The following TTC6 variants were observed in gnomAD, a reference collection of about 807,000 sequenced individuals.
The protein encoded by TTC6 is tetratricopeptide repeat protein 6.
In TTC6, 172 loss-of-function variants were observed where a neutral mutation model predicts 210.4. That is an observed-to-expected ratio of 0.82 (90% CI 0.72 to 0.93). The LOEUF (loss-of-function observed/expected upper bound fraction) is 0.93. TTC6 is among the 40% of genes least tolerant of loss of function. The pLI, the probability that TTC6 is intolerant of heterozygous loss-of-function variation, is 0.00. For synonymous variants in TTC6, 804 were observed against 819.6 expected (o/e 0.98, Z 0.32); for missense variants, 2,414 against 2,318.1 (o/e 1.04, Z -0.85).
exon 1 of TTC6, chr14:37,622,140 C>T (rs1333878713): frequency 1.3e-6 from 2 of 1,535,470 alleles, no homozygotes; most frequent in Non-Finnish European, 1.7e-6. Context: ...TGAGAAAGTT[C>T]GGCAGGAAAC....
intron 3 of TTC6, among the ~76,000 whole-genome samples, chr14:37,684,362 A>G (rs946196954): frequency 2.0e-5 from 3 of 152,118 alleles, no homozygotes; most frequent in African/African-American, 7.2e-5. Flanking sequence ...TCCACAAGTA[A>G]TAGTTGACCA....
At chr14:37,729,250 A>G (rs1383294878) in intron 7 of TTC6, among the ~76,000 whole-genome samples, 1 of 152,198 alleles carries the variant, frequency 6.6e-6, no homozygotes, top group East Asian at 1.9e-4. Context: ...TTTGAAAAAT[A>G]TGTCATGAGC....
At chr14:37,691,920 G>GA (rs1213493486) in intron 3 of TTC6, among the ~76,000 whole-genome samples, 1 of 151,894 alleles carries the variant, frequency 6.6e-6, no homozygotes, top group Non-Finnish European at 1.5e-5. Flanking sequence ...CAATAAATTG[G>GA]AAAATTTAGA....
intron 14 of TTC6, among the ~76,000 whole-genome samples, chr14:37,766,114 G>A (rs2095998509): frequency 6.6e-6 from 1 of 151,804 alleles, no homozygotes; most frequent in Admixed American, 6.6e-5. Context: ...ATCAAATTTG[G>A]GAAGTTTTCA....
chr14:37,674,131 G>A (rs562510675), intron 1 of TTC6, among the ~76,000 whole-genome samples: 4 of 147,456 alleles, frequency 2.7e-5, no homozygotes, highest in South Asian at 2.1e-4. Flanking sequence ...TTTTTTTTTT[G>A]TTTGTTTTCC....
At chr14:37,705,622 C>A (rs2095834095) in intron 5 of TTC6, among the ~76,000 whole-genome samples, 1 of 152,084 alleles carries the variant, frequency 6.6e-6, no homozygotes, top group South Asian at 2.1e-4. Flanking sequence ...ATGCTTAACT[C>A]TGTGGTAGGC....
At chr14:37,752,843 G>A (rs919118995) in intron 13 of TTC6, among the ~76,000 whole-genome samples, 2 of 151,326 alleles carry the variant, frequency 1.3e-5, no homozygotes, top group African/African-American at 4.9e-5. Context: ...CAAATTTTCA[G>A]TGGGCAGAAG....
intron 1 of TTC6, among the ~76,000 whole-genome samples, chr14:37,599,923 C>T (rs1250274478): frequency 6.6e-6 from 1 of 152,180 alleles, no homozygotes; most frequent in Non-Finnish European, 1.5e-5. Flanking sequence ...TTTGTTCACA[C>T]CGGTCAGCGC....
At chr14:37,834,358 T>C (rs75171934) in intron 29 of TTC6, among the ~76,000 whole-genome samples, 2,007 of 152,264 alleles carry the variant, frequency 0.013, 42 homozygotes, top group African/African-American at 0.045. Flanking sequence ...ATGTAAGCTT[T>C]CTTCATTTGT....
chr14:37,688,164 C>G (rs1310454842), intron 3 of TTC6, among the ~76,000 whole-genome samples: 1 of 152,164 alleles, frequency 6.6e-6, no homozygotes. Flanking sequence ...TGGCAATACT[C>G]CTCGTGGGCC....
At chr14:37,749,829 A>G in exon 12 of TTC6, 2 of 1,402,282 alleles carry the variant, frequency 1.4e-6, no homozygotes, top group Non-Finnish European at 1.9e-6. Context: ...CATAAATATA[A>G]TAAAAATAAT....
chr14:37,730,048 T>C (rs2095881920), intron 7 of TTC6, among the ~76,000 whole-genome samples: 1 of 152,138 alleles, frequency 6.6e-6, no homozygotes. Context: ...GATCCAACAG[T>C]ACTTTCTGGC....
At chr14:37,737,627 C>T in intron 8 of TTC6, 33 bp from the exon 11 acceptor site, 2 of 1,238,906 alleles carry the variant, frequency 1.6e-6, no homozygotes, top group Non-Finnish European at 2.2e-6. Flanking sequence ...GTATCTGTGA[C>T]TAATGTATAT....
intron 14 of TTC6, among the ~76,000 whole-genome samples, chr14:37,760,145 T>C (rs2095979754): frequency 6.6e-6 from 1 of 152,242 alleles, no homozygotes; most frequent in African/African-American, 2.4e-5. Flanking sequence ...TTTATCTATC[T>C]TTGATCTCTG....
chr14:37,682,891 A>C (rs1255094224), exon 3 of TTC6: 1 of 1,535,716 alleles, frequency 6.5e-7, no homozygotes, highest in African/African-American at 1.4e-5. Flanking sequence ...CAGCCAGCAG[A>C]GGAATTAAGT....
intron 14 of TTC6, among the ~76,000 whole-genome samples, chr14:37,782,677 G>C (rs911709025): frequency 6.6e-6 from 1 of 152,178 alleles, no homozygotes; most frequent in African/African-American, 2.4e-5. Flanking sequence ...GAATAGGAGT[G>C]ATGAGAGAGG....
At chr14:37,673,628 T>A (rs1165466285) in intron 1 of TTC6, among the ~76,000 whole-genome samples, 2 of 152,132 alleles carry the variant, frequency 1.3e-5, no homozygotes, top group Admixed American at 6.6e-5. Flanking sequence ...CTGCGGCTTC[T>A]GTTGCTGTCC....
chr14:37,692,851 T>C (rs2095806407), intron 3 of TTC6, among the ~76,000 whole-genome samples: 1 of 142,562 alleles, frequency 7.0e-6, no homozygotes, highest in South Asian at 2.2e-4. Context: ...AGAGCAAGAC[T>C]CCATCTCAAA....
intron 10 of TTC6, among the ~76,000 whole-genome samples, chr14:37,742,767 G>C (rs960140313): frequency 7.9e-5 from 12 of 152,080 alleles, no homozygotes; most frequent in Admixed American, 4.6e-4. Flanking sequence ...CTAAAAGCTG[G>C]CAGCAGTGAT....
Sources: gnomAD v4.1 joint callset for allele counts (sites outside exome capture counted in the v4.1 genomes callset) on GRCh38, gnomAD v4.1.1 for gene constraint, MANE v1.5 for transcripts, NCBI Gene and HGNC (gene_info 2026-07-23, HGNC 2026-07-21) for gene names.